CYP39A1: variants seen among roughly 807,000 people sequenced by gnomAD.
CYP39A1 encodes the protein cytochrome P450 family 39 subfamily A member 1, also known as 24-hydroxycholesterol 7-alpha-hydroxylase.
A neutral mutation model predicts 58.1 loss-of-function variants in CYP39A1; 49 were observed. The ratio of observed to expected loss-of-function variants is 0.84; its 90% confidence interval spans 0.67 to 1.07. The LOEUF (loss-of-function observed/expected upper bound fraction) is 1.07, where lower values mean the gene tolerates loss of function less well. Among genes scored for constraint, CYP39A1 ranks in the 50% least tolerant of loss-of-function variants. The pLI, the probability that CYP39A1 is intolerant of heterozygous loss-of-function variation, is 0.00. For synonymous variants in CYP39A1, 209 were observed against 187.6 expected (o/e 1.11, Z -0.93); for missense variants, 531 against 539.4 (o/e 0.98, Z 0.16).
rs1388395198 is a variant in CYP39A1 at position 46,591,741 on chromosome 6, A to C, written c.1066-3612T>G. Among the ~76,000 whole-genome samples, 3 of 152,180 alleles carry C rather than the reference A, an allele frequency of 2.0e-5. No individual in the cohort carries two copies. In the East Asian group the frequency reaches 5.8e-4, roughly 29 times the overall value. ...CTTCTACTTAAGAAGTTTAAAAAAA[A>C]CCCACTTTTAGTCAGTCATCCCAAG... On this transcript the variant is annotated intron_variant, in intron 8 of 11. Transcript: ENST00000275016.
At position 46,569,266 on chromosome 6, in the gene CYP39A1, A is replaced by G. The variant is rs115947432; in HGVS notation, c.1251-15412T>C. The stretch of plus-strand genomic sequence containing the variant: ...CTTTGTTGAGTTATTTATTAGTTCT[A>G]ACAGTGTTTTGGGGGCAGTGGATTG... On this transcript the variant is annotated intron_variant, in intron 10 of 11. Coordinates refer to ENST00000275016, the MANE Select transcript of CYP39A1 (RefSeq NM_016593.5). Among the ~76,000 whole-genome samples the G allele has an allele frequency of 8.2e-3, 1,241 of 152,126 alleles. 15 individuals are homozygous for G. The highest frequency in any genetic ancestry group is 0.028 in the African/African-American group (1,180 of 41,514).
At position 46,637,826 on chromosome 6, in the gene CYP39A1, T is replaced by C; in HGVS notation, c.638+3A>G. The stretch of plus-strand genomic sequence containing the variant: ...TGAATTAATTATAGGAAACAACTGT[T>C]ACCTTAGAAGACACTCTGGCAACTG... On this transcript the variant is annotated splice_donor_region_variant and intron_variant, in intron 4 of 11. Transcript: ENST00000275016. 6.2e-7 allele frequency: 1 copy of C among 1,610,092 alleles called. No individual in the cohort carries two copies. Among genetic ancestry groups the C allele is most frequent in the Non-Finnish European group, 8.5e-7 (1 of 1,179,174 alleles).
At position 46,630,995 on chromosome 6, in the gene CYP39A1, G is replaced by GT; in HGVS notation, c.807dup (p.Leu270ThrfsTer8). ...GCATTAGACAGAGAAGCCCAAAGCA[G>GT]TAAGAGCCCATAATTGGGTGAGTTT... On this transcript the variant is annotated frameshift_variant, in exon 6 of 12. Coordinates refer to ENST00000275016, the MANE Select transcript of CYP39A1 (RefSeq NM_016593.5). LOFTEE classifies it high-confidence loss of function. 1 of 1,614,026 alleles carries GT rather than the reference G, an allele frequency of 6.2e-7. No individual in the cohort carries two copies. Among genetic ancestry groups the GT allele is most frequent in the Non-Finnish European group, 8.5e-7 (1 of 1,179,962 alleles).
At chr6:46,649,266 A>G (rs1762526402) in intron 1 of CYP39A1, among the ~76,000 whole-genome samples, 3 of 152,248 alleles carry the variant, frequency 2.0e-5, no homozygotes, top group Admixed American at 2.0e-4. Flanking sequence ...CTCTATAATG[A>G]CAGCTTTCAT....
intron 7 of CYP39A1, among the ~76,000 whole-genome samples, chr6:46,623,626 TTC>T (rs1313695714): frequency 1.3e-5 from 2 of 152,136 alleles, no homozygotes; most frequent in African/African-American, 4.8e-5. Context: ...CTTTTGAGTT[TTC>T]TCTCTCTCTT....
chr6:46,646,299 A>G (rs991340090), intron 1 of CYP39A1, among the ~76,000 whole-genome samples: 1 of 152,038 alleles, frequency 6.6e-6, no homozygotes. Context: ...TCCCTCTATC[A>G]TGAATCCTGA....
chr6:46,603,421 A>G lies in CYP39A1; in HGVS notation c.932-7301T>C, dbSNP rs139452051. ...ACTATTCCTCTATCACCTCTTTCAC[A>G]TGTAAAATGTGGATTCAGTGAACAC... On this transcript the variant is annotated intron_variant, in intron 7 of 11. Coordinates refer to ENST00000275016, the MANE Select transcript of CYP39A1 (RefSeq NM_016593.5). Among the ~76,000 whole-genome samples, 300 of 152,318 alleles carry G rather than the reference A, an allele frequency of 2.0e-3. 1 individual carries two copies. Among genetic ancestry groups the G allele is most frequent in the African/African-American group, 7.1e-3 (294 of 41,564 alleles).
In CYP39A1 at chr6:46,652,623, C is replaced by A; in HGVS notation, c.-41G>T. 6.5e-7 allele frequency: 1 copy of A among 1,534,582 alleles called. No individual in the cohort carries two copies. ...CTTCCAGAAGCAGAAAAGTGTGAAACAGTCCTGCCGTCCCTTGCTTCTTTT... is the reference window on the plus strand; with the variant it reads ...CTTCCAGAAGCAGAAAAGTGTGAAAAAGTCCTGCCGTCCCTTGCTTCTTTT... On this transcript the variant is annotated 5_prime_UTR_variant, in exon 1 of 12. Coordinates refer to ENST00000275016, the MANE Select transcript of CYP39A1 (RefSeq NM_016593.5).
chr6:46,599,600 C>CT (rs1253242624), intron 7 of CYP39A1, among the ~76,000 whole-genome samples: 1 of 152,120 alleles, frequency 6.6e-6, no homozygotes, highest in Non-Finnish European at 1.5e-5. Flanking sequence ...ATCTTTCCCG[C>CT]TATCCAACTT....
intron 1 of CYP39A1, among the ~76,000 whole-genome samples, chr6:46,651,590 G>A (rs1189994934): frequency 6.6e-6 from 1 of 152,044 alleles, no homozygotes; most frequent in Non-Finnish European, 1.5e-5. Flanking sequence ...TTTTCTATAT[G>A]TTTTTTACTA....
chr6:46,642,509 G>C (rs1017608813), intron 1 of CYP39A1, among the ~76,000 whole-genome samples: 2 of 151,946 alleles, frequency 1.3e-5, no homozygotes, highest in Admixed American at 6.6e-5. Context: ...TATTCCCTTT[G>C]ATCATTTTAT....
intron 7 of CYP39A1, among the ~76,000 whole-genome samples, chr6:46,618,040 T>C (rs1196157924): frequency 6.6e-6 from 1 of 152,082 alleles, no homozygotes; most frequent in Non-Finnish European, 1.5e-5. Context: ...TATTTGGAAG[T>C]AGAAAAACTC....
chr6:46,588,092 G>A lies in CYP39A1; in HGVS notation c.1103C>T (p.Ser368Phe). 1 of 1,598,878 alleles carries A rather than the reference G, an allele frequency of 6.3e-7. No individual in the cohort carries two copies. The highest frequency in any genetic ancestry group is 8.5e-7 in the Non-Finnish European group (1 of 1,172,426). Residue 368 changes from serine to phenylalanine, a missense_variant, in exon 9 of 12, where the codon TCT becomes TTT. Physicochemically the swap from Ser to Phe is radical, Grantham distance 155. Transcript: ENST00000275016. ...IIPSGDLLMLSPFWLHRNPKY... is the reference protein window; with the variant it reads ...IIPSGDLLMLFPFWLHRNPKY... Reference sequence around the variant, plus strand: ...TGGATTTCTATGCAGCCAAAATGGAGACAACATCAACAAGTCACCAGAAGG... The same window carrying A: ...TGGATTTCTATGCAGCCAAAATGGAAACAACATCAACAAGTCACCAGAAGG...
chr6:46,562,841 A>G (rs2150485225), intron 10 of CYP39A1, among the ~76,000 whole-genome samples: 1 of 152,226 alleles, frequency 6.6e-6, no homozygotes, highest in East Asian at 1.9e-4. Flanking sequence ...TAAAAATGAT[A>G]AAACTACATT....
rs374647695 is a variant in CYP39A1, at chr6:46,573,246, T to A, written c.1250+13831A>T. On this transcript the variant is annotated intron_variant, in intron 10 of 11. Transcript: ENST00000275016. ...ATGTGTTTATGACCTTGCAATGATA[T>A]CTGTGCATTTGAGGTAGCAGTCATC... Among the ~76,000 whole-genome samples the A allele has an allele frequency of 4.6e-5, 7 of 152,264 alleles. No homozygotes were observed. In the East Asian group the frequency reaches 1.2e-3, roughly 25 times the overall value.
At chr6:46,559,495 T>C (rs1770852445) in intron 10 of CYP39A1, among the ~76,000 whole-genome samples, 1 of 152,230 alleles carries the variant, frequency 6.6e-6, no homozygotes, top group African/African-American at 2.4e-5. Context: ...ATGCTGTAAT[T>C]TGCTTACCCT....
At chr6:46,605,629 A>G (rs2150539355) in intron 7 of CYP39A1, among the ~76,000 whole-genome samples, 1 of 152,254 alleles carries the variant, frequency 6.6e-6, no homozygotes, top group Admixed American at 6.5e-5. Flanking sequence ...AATCAAGAGA[A>G]GGCTAGAAAA....
At chr6:46,604,220 T>C (rs758672068) in intron 7 of CYP39A1, among the ~76,000 whole-genome samples, 1 of 152,208 alleles carries the variant, frequency 6.6e-6, no homozygotes, top group Non-Finnish European at 1.5e-5. Context: ...TCAACTTCCA[T>C]ATTCACTCTT....
intron 1 of CYP39A1, among the ~76,000 whole-genome samples, chr6:46,647,509 C>T (rs1762396470): frequency 6.6e-6 from 1 of 152,188 alleles, no homozygotes; most frequent in South Asian, 2.1e-4. Flanking sequence ...GGCTGCTTGA[C>T]ATTTAGATCC....
Sources: gnomAD v4.1 joint callset for allele counts (sites outside exome capture counted in the v4.1 genomes callset) on GRCh38, gnomAD v4.1.1 for gene constraint, MANE v1.5 for transcripts, NCBI Gene and HGNC (gene_info 2026-07-23, HGNC 2026-07-21) for gene names.